Variants in CSMD1 observed in about 807,000 individuals in gnomAD.
The protein encoded by CSMD1 is CUB and sushi domain-containing protein 1.
Under a neutral mutation model 417.5 loss-of-function variants are expected in CSMD1, and 213 were observed. The ratio of observed to expected loss-of-function variants is 0.51; its 90% CI spans 0.46 to 0.57. CSMD1 has a LOEUF of 0.57. Among genes scored for constraint, CSMD1 ranks in the 20% least tolerant of loss-of-function variants. The probability of loss-of-function intolerance (pLI) is 0.00; values close to 1 mark genes in which losing one functional copy is unlikely to be tolerated. For missense variants in CSMD1, 6,923 were observed against 4,529.7 expected (o/e 1.53, Z -15.17); for synonymous variants, 2,862 against 1,736.8 (o/e 1.65, Z -16.11).
intron 3 of CSMD1, among the ~76,000 whole-genome samples, chr8:4,297,492 G>C (rs1253930101): frequency 6.6e-6 from 1 of 152,130 alleles, no homozygotes; most frequent in Non-Finnish European, 1.5e-5. Context: ...GTTAACCAAA[G>C]TTACATTCAG....
intron 1 of CSMD1, among the ~76,000 whole-genome samples, chr8:4,807,869 G>A (rs557903432): frequency 1.3e-5 from 2 of 152,192 alleles, no homozygotes; most frequent in East Asian, 1.9e-4. Flanking sequence ...CTAGTAAGAG[G>A]AGGAGTATAT....
intron 41 of CSMD1, among the ~76,000 whole-genome samples, chr8:3,129,997 A>T (rs569155628): frequency 1.1e-4 from 17 of 152,182 alleles, no homozygotes; most frequent in African/African-American, 3.9e-4. Flanking sequence ...AAAAGAAAAG[A>T]AAAGTTAAAT....
chr8:4,410,091 G>A (rs1355553537), intron 3 of CSMD1, among the ~76,000 whole-genome samples: 1 of 152,196 alleles, frequency 6.6e-6, no homozygotes, highest in Admixed American at 6.5e-5. Context: ...TGGGATTACA[G>A]CCATGAGCCA....
chr8:3,967,235 AT>A (rs1157157209), intron 5 of CSMD1, among the ~76,000 whole-genome samples: 37 of 151,894 alleles, frequency 2.4e-4, no homozygotes, highest in Non-Finnish European at 4.9e-4. Context: ...CTATTTTCCT[AT>A]TCTGATCTAA....
chr8:4,814,844 C>G (rs1188813216), intron 1 of CSMD1, among the ~76,000 whole-genome samples: 3 of 152,204 alleles, frequency 2.0e-5, no homozygotes, highest in East Asian at 3.9e-4. Flanking sequence ...ACTGCGGACT[C>G]TTAATCATTT....
At chr8:4,764,741 C>A (rs113225234) in intron 1 of CSMD1, among the ~76,000 whole-genome samples, 2 of 150,486 alleles carry the variant, frequency 1.3e-5, no homozygotes, top group African/African-American at 4.9e-5. Context: ...GGTGTTGTGG[C>A]GGCTGCCTGT....
intron 2 of CSMD1, among the ~76,000 whole-genome samples, chr8:4,420,636 A>G (rs1358383932): frequency 6.6e-6 from 1 of 152,154 alleles, no homozygotes; most frequent in Non-Finnish European, 1.5e-5. Flanking sequence ...GTTGGTCGTG[A>G]AACAATCTGT....
intron 46 of CSMD1, among the ~76,000 whole-genome samples, chr8:3,101,844 C>T (rs1449140034): frequency 1.5e-5 from 2 of 137,080 alleles, no homozygotes; most frequent in Non-Finnish European, 3.1e-5. Flanking sequence ...CTCTGTCGCT[C>T]AGGCTGGAGT....
At chr8:4,046,186 G>C (rs1027969716) in intron 3 of CSMD1, among the ~76,000 whole-genome samples, 2 of 152,048 alleles carry the variant, frequency 1.3e-5, no homozygotes, top group East Asian at 3.9e-4. Context: ...ATGTGTATGT[G>C]TGCGTGTGTG....
chr8:4,090,810 T>C (rs553898812), intron 3 of CSMD1, among the ~76,000 whole-genome samples: 1 of 152,210 alleles, frequency 6.6e-6, no homozygotes, highest in African/African-American at 2.4e-5. Context: ...AGAACATATA[T>C]TCTTTAAGTC....
At chr8:3,516,986 C>T (rs1201004200) in intron 10 of CSMD1, among the ~76,000 whole-genome samples, 1 of 152,152 alleles carries the variant, frequency 6.6e-6, no homozygotes, top group African/African-American at 2.4e-5. Flanking sequence ...GGTGAAAACA[C>T]AGAAAACAGG....
At chr8:4,803,073 G>T (rs1369715554) in intron 1 of CSMD1, among the ~76,000 whole-genome samples, 1 of 152,112 alleles carries the variant, frequency 6.6e-6, no homozygotes, top group Non-Finnish European at 1.5e-5. Context: ...TTGATATTGT[G>T]TTACAGAAAA....
intron 1 of CSMD1, among the ~76,000 whole-genome samples, chr8:4,958,605 G>T (rs1809274490): frequency 6.6e-6 from 1 of 152,140 alleles, no homozygotes; most frequent in Non-Finnish European, 1.5e-5. Flanking sequence ...TCTGAGTTCT[G>T]CTACAATAAT....
intron 52 of CSMD1, among the ~76,000 whole-genome samples, chr8:3,010,753 T>C (rs1288253090): frequency 3.9e-5 from 6 of 152,054 alleles, no homozygotes; most frequent in African/African-American, 1.4e-4. Flanking sequence ...CAACTTTTTT[T>C]TTTTTTTTGA....
chr8:3,793,882 T>G (rs1158928539), intron 5 of CSMD1, among the ~76,000 whole-genome samples: 3 of 152,160 alleles, frequency 2.0e-5, no homozygotes, highest in Admixed American at 6.5e-5. Flanking sequence ...ATGGACCATT[T>G]GTCAAATCGC....
chr8:3,473,483 G>C (rs1460055161), intron 11 of CSMD1, among the ~76,000 whole-genome samples: 1 of 151,954 alleles, frequency 6.6e-6, no homozygotes, highest in Non-Finnish European at 1.5e-5. Context: ...AAGAACTTTT[G>C]TTCCTCTTTC....
intron 1 of CSMD1, among the ~76,000 whole-genome samples, chr8:4,783,950 C>T (rs1361300778): frequency 6.6e-6 from 1 of 152,122 alleles, no homozygotes; most frequent in African/African-American, 2.4e-5. Context: ...GTTAAAAGAG[C>T]TTAAAAGTTC....
chr8:3,928,214 A>T (rs1375133912), intron 5 of CSMD1, among the ~76,000 whole-genome samples: 1 of 152,206 alleles, frequency 6.6e-6, no homozygotes, highest in Non-Finnish European at 1.5e-5. Flanking sequence ...AATAATACTG[A>T]AAGGAAAATA....
rs150551181 is a variant in CSMD1, at chr8:4,236,724, T to G, written c.415+183229A>C. Among the ~76,000 whole-genome samples, 616 of 152,324 alleles carry G rather than the reference T, an allele frequency of 4.0e-3. 7 individuals are homozygous for G. Among genetic ancestry groups the G allele is most frequent in the African/African-American group, 0.014 (582 of 41,572 alleles). The stretch of plus-strand genomic sequence containing the variant: ...ATCTGTAAAATGGCAATAATCACTG[T>G]GCCTTCGAAGACTGCTGGATTAAAA... On this transcript the variant is annotated intron_variant, in intron 3 of 69. Coordinates refer to ENST00000635120, the MANE Select transcript of CSMD1 (RefSeq NM_033225.6).
Sources: allele counts gnomAD v4.1 joint callset (sites outside exome capture counted in the v4.1 genomes callset), GRCh38; gene constraint gnomAD v4.1.1; transcripts MANE v1.5; gene names NCBI Gene and HGNC (gene_info 2026-07-23, HGNC 2026-07-21).